The following PARVA variants were observed in gnomAD, a reference collection of about 807,000 sequenced individuals.
PARVA encodes the protein parvin alpha, also known as alpha-parvin.
A neutral mutation model predicts 52.6 loss-of-function variants in PARVA; 25 were observed. That is an observed-to-expected ratio of 0.48 (90% confidence interval 0.35 to 0.66). The LOEUF (loss-of-function observed/expected upper bound fraction) is 0.66, where lower values mean the gene tolerates loss of function less well. Ranked by LOEUF, PARVA falls within the 30% of genes least tolerant of loss-of-function variation. The pLI is 0.01. For missense variants in PARVA, 373 were observed against 450.9 expected (o/e 0.83, Z 1.56); for synonymous variants, 185 against 179.1 (o/e 1.03, Z -0.26).
chr11:12,412,370 A>G (rs1048947896), intron 1 of PARVA, among the ~76,000 whole-genome samples: 3 of 152,226 alleles, frequency 2.0e-5, no homozygotes, highest in South Asian at 2.1e-4. Context: ...CCAGTGGATG[A>G]TGGATACCAG....
intron 1 of PARVA, among the ~76,000 whole-genome samples, chr11:12,418,412 C>CT (rs1297595116): frequency 6.6e-6 from 1 of 152,090 alleles, no homozygotes; most frequent in Non-Finnish European, 1.5e-5. Context: ...CAGCTTCCCA[C>CT]TTTGGGCTTG....
At chr11:12,499,472 C>A (rs866867705) in intron 5 of PARVA, among the ~76,000 whole-genome samples, 1 of 148,800 alleles carries the variant, frequency 6.7e-6, no homozygotes, top group Non-Finnish European at 1.5e-5. Context: ...CAGTAATTTT[C>A]ATTATTGAAA....
chr11:12,428,816 C>T (rs574407151), intron 1 of PARVA, among the ~76,000 whole-genome samples: 1 of 152,060 alleles, frequency 6.6e-6, no homozygotes, highest in East Asian at 1.9e-4. Flanking sequence ...CGAGAAGGAA[C>T]ATAAATTTAA....
At chr11:12,489,070 G>A (rs61617616) in intron 4 of PARVA, among the ~76,000 whole-genome samples, 4,959 of 151,776 alleles carry the variant, frequency 0.033, 245 homozygotes, top group African/African-American at 0.11. Flanking sequence ...CATACCTGTA[G>A]CCCCAGCACT....
intron 1 of PARVA, among the ~76,000 whole-genome samples, chr11:12,427,694 G>T (rs1413855776): frequency 6.6e-6 from 1 of 152,206 alleles, no homozygotes; most frequent in Non-Finnish European, 1.5e-5. Context: ...CAGCAGGGTT[G>T]AATAAGGTCA....
intron 6 of PARVA, 143 bp from the exon 7 acceptor site, chr11:12,508,441 C>T: frequency 1.5e-6 from 1 of 678,020 alleles, no homozygotes; most frequent in South Asian, 1.8e-5. Context: ...CCTCCTTTCA[C>T]TTCCAGCATT....
intron 1 of PARVA, among the ~76,000 whole-genome samples, chr11:12,437,297 G>A (rs902860480): frequency 2.6e-5 from 4 of 152,188 alleles, no homozygotes; most frequent in African/African-American, 9.6e-5. Context: ...GCCTTTGCCA[G>A]GCATGTGCCT....
In PARVA at chr11:12,496,499, C is replaced by A. The variant is rs766240351; in HGVS notation, c.442C>A (p.Gln148Lys). The change falls in exon 5 of 13, where the codon CAG becomes AAG. Residue 148 changes from glutamine (Q) to lysine (K), a missense_variant. Coordinates refer to ENST00000334956, the MANE Select transcript of PARVA (RefSeq NM_018222.5). ...SEKLNVAEVTQSEIAQKQKLQ... is the reference protein window; with the variant it reads ...SEKLNVAEVTKSEIAQKQKLQ... ...GAAGCTAAATGTGGCTGAGGTCACC[C>A]AGTCAGAGATTGCTCAGAAGCAAAA... 3 of 1,608,948 alleles carry A rather than the reference C, an allele frequency of 1.9e-6. No homozygotes were observed. The highest frequency in any genetic ancestry group is 2.5e-6 in the Non-Finnish European group (3 of 1,177,740).
chr11:12,383,557 C>G (rs768707425), intron 1 of PARVA, among the ~76,000 whole-genome samples: 1 of 152,194 alleles, frequency 6.6e-6, no homozygotes, highest in Non-Finnish European at 1.5e-5. Context: ...GGAGAAAAAT[C>G]CACAAACCTT....
At chr11:12,509,228 A>G (rs138084523) in intron 7 of PARVA, among the ~76,000 whole-genome samples, 19 of 152,160 alleles carry the variant, frequency 1.2e-4, no homozygotes, top group African/African-American at 3.4e-4. Flanking sequence ...CCCTGGCCCC[A>G]TGCAAAGTCA....
At chr11:12,430,393 G>T (rs748614172) in intron 1 of PARVA, among the ~76,000 whole-genome samples, 13 of 152,172 alleles carry the variant, frequency 8.5e-5, no homozygotes, top group Non-Finnish European at 1.9e-4. Context: ...TTGAGAGCTG[G>T]TAGGAGCCAG....
intron 5 of PARVA, among the ~76,000 whole-genome samples, chr11:12,496,840 C>A (rs1486640748): frequency 6.6e-6 from 1 of 152,182 alleles, no homozygotes; most frequent in African/African-American, 2.4e-5. Context: ...TGCATAGAAA[C>A]CTCACGTGAA....
chr11:12,384,552 A>G (rs146677483), intron 1 of PARVA, among the ~76,000 whole-genome samples: 2 of 152,170 alleles, frequency 1.3e-5, no homozygotes, highest in Non-Finnish European at 2.9e-5. Context: ...AGAGAAATAG[A>G]GGGTTGTGGT....
At chr11:12,432,729 A>G (rs994390488) in intron 1 of PARVA, among the ~76,000 whole-genome samples, 1 of 152,214 alleles carries the variant, frequency 6.6e-6, no homozygotes, top group Non-Finnish European at 1.5e-5. Context: ...TTTTTTCTGT[A>G]TCAAGATTTT....
chr11:12,441,993 C>G (rs1054881414), intron 1 of PARVA, among the ~76,000 whole-genome samples: 1 of 152,208 alleles, frequency 6.6e-6, no homozygotes, highest in Non-Finnish European at 1.5e-5. Flanking sequence ...GCCGACAGGT[C>G]GAAGGATTGT....
rs78256465 is a variant in PARVA at position 12,469,670 on chromosome 11, C to T, written c.137-4075C>T. On this transcript the variant is annotated intron_variant, in intron 1 of 12. Coordinates refer to ENST00000334956, the MANE Select transcript of PARVA (RefSeq NM_018222.5). ...CAGTTTGCATATTCACTTTTACAAA[C>T]AGTTGGCTCAGAGTCAGCAGTTAAT... Among the ~76,000 whole-genome samples, 1,339 of 152,314 alleles carry T rather than the reference C, an allele frequency of 8.8e-3. 23 individuals are homozygous for T. The highest frequency in any genetic ancestry group is 0.031 in the African/African-American group (1,268 of 41,570).
intron 1 of PARVA, among the ~76,000 whole-genome samples, chr11:12,434,067 G>A (rs950641055): frequency 1.3e-5 from 2 of 152,140 alleles, no homozygotes; most frequent in African/African-American, 2.4e-5. Flanking sequence ...TCTGAGCACC[G>A]CGAGCACTAT....
At chr11:12,508,929 T>C (rs989047153) in intron 7 of PARVA, among the ~76,000 whole-genome samples, 9 of 152,140 alleles carry the variant, frequency 5.9e-5, no homozygotes, top group Admixed American at 4.6e-4. Context: ...CAACCCAGCA[T>C]GAAATCGTCA....
chr11:12,514,004 T>C lies in PARVA; in HGVS notation c.806T>C (p.Ile269Thr). The C allele has an allele frequency of 1.2e-6, 2 of 1,613,944 alleles. No homozygotes were observed. Among genetic ancestry groups the C allele is most frequent in the Non-Finnish European group, 1.7e-6 (2 of 1,179,852 alleles). The change falls in exon 10 of 13, where the codon ATC (isoleucine) becomes ACC (threonine). Residue 269 changes from isoleucine to threonine, a missense_variant. Ile to Thr is a moderately conservative substitution (Grantham distance 89). Transcript: ENST00000334956. The part of the protein sequence containing the change: ...DKLNVVKKTL[I>T]TFVNKHLNKL... Reference sequence around the variant, plus strand: ...GCTTTGCTTCTCTTTTAGACACTCATCACTTTCGTGAACAAGCACCTGAAT... The same window carrying C: ...GCTTTGCTTCTCTTTTAGACACTCACCACTTTCGTGAACAAGCACCTGAAT...
Sources: gnomAD v4.1 joint callset for allele counts (sites outside exome capture counted in the v4.1 genomes callset) on GRCh38, gnomAD v4.1.1 for gene constraint, MANE v1.5 for transcripts, NCBI Gene and HGNC (gene_info 2026-07-23, HGNC 2026-07-21) for gene names.